Variants in KCTD3 observed in about 807,000 individuals in gnomAD.
KCTD3 encodes potassium channel tetramerization domain containing 3.
In KCTD3, 41 loss-of-function variants were observed where a neutral mutation model predicts 85.8. The observed-to-expected ratio is 0.48, with a 90% confidence interval of 0.37 to 0.62. The LOEUF (loss-of-function observed/expected upper bound fraction) is 0.62, where lower values mean the gene tolerates loss of function less well. KCTD3 is among the 20% of genes least tolerant of loss of function. The pLI, the probability that KCTD3 is intolerant of heterozygous loss-of-function variation, is 0.00. For synonymous variants in KCTD3, 338 were observed against 345.4 expected (o/e 0.98, Z 0.24); for missense variants, 724 against 989.9 (o/e 0.73, Z 3.60).
At chr1:215,577,824 G>A in intron 5 of KCTD3, 96 bp downstream of exon 5, 2 of 1,283,626 alleles carry the variant, frequency 1.6e-6, no homozygotes, top group Non-Finnish European at 2.3e-6. Context: ...AATTTTTGAT[G>A]GACTTGTTCA....
intron 8 of KCTD3, among the ~76,000 whole-genome samples, chr1:215,580,731 T>G (rs930774675): frequency 6.6e-6 from 1 of 152,192 alleles, no homozygotes; most frequent in African/African-American, 2.4e-5. Flanking sequence ...CAAAGATACA[T>G]AAACTATTTG....
intron 15 of KCTD3, among the ~76,000 whole-genome samples, chr1:215,613,014 AG>A (rs1655288617): frequency 6.6e-6 from 1 of 152,166 alleles, no homozygotes. Flanking sequence ...AGAGAGCATC[AG>A]GAAGAATAGC....
At chr1:215,568,087 T>G (rs544685017) in intron 1 of KCTD3, among the ~76,000 whole-genome samples, 7 of 152,138 alleles carry the variant, frequency 4.6e-5, no homozygotes, top group Non-Finnish European at 8.8e-5. Flanking sequence ...CTTCCTTACC[T>G]CATCTCAGAT....
intron 15 of KCTD3, among the ~76,000 whole-genome samples, chr1:215,613,295 T>A (rs1655300592): frequency 6.6e-6 from 1 of 152,230 alleles, no homozygotes; most frequent in Admixed American, 6.5e-5. Flanking sequence ...TGATCTCAGC[T>A]CACTGCAACC....
intron 2 of KCTD3, 113 bp downstream of exon 2, chr1:215,573,952 A>G: frequency 2.1e-6 from 2 of 967,034 alleles, no homozygotes; most frequent in Non-Finnish European, 1.5e-6. Flanking sequence ...AAAATTATAT[A>G]TTTTTGAACT....
At chr1:215,613,409 A>C (rs188859775) in intron 15 of KCTD3, among the ~76,000 whole-genome samples, 126 of 152,248 alleles carry the variant, frequency 8.3e-4, no homozygotes, top group African/African-American at 2.6e-3. Context: ...GACCTTTGTC[A>C]GATGCTTAGT....
intron 1 of KCTD3, among the ~76,000 whole-genome samples, chr1:215,569,125 CTTTTT>C (rs397964441): frequency 2.9e-5 from 4 of 139,070 alleles, no homozygotes; most frequent in African/African-American, 1.1e-4. Context: ...CTTTAATTTT[CTTTTT>C]TTTTTTTTTT....
intron 15 of KCTD3, 113 bp from the exon 16 acceptor site, chr1:215,618,773 G>C: frequency 1.3e-6 from 1 of 778,264 alleles, no homozygotes; most frequent in South Asian, 2.0e-5. Context: ...TTTTTTAAAA[G>C]TCTTTTCTAG....
chr1:215,571,805 G>A (rs1247979242), intron 1 of KCTD3, among the ~76,000 whole-genome samples: 1 of 151,964 alleles, frequency 6.6e-6, no homozygotes, highest in African/African-American at 2.4e-5. Flanking sequence ...CTAATTTTTC[G>A]TAGTTTTAGT....
rs189645306 is a variant in KCTD3, at chr1:215,615,314, G to A, written c.1562+3393G>A. Among the ~76,000 whole-genome samples, 74 of 152,198 alleles carry A rather than the reference G, an allele frequency of 4.9e-4. 1 individual carries two copies. In the East Asian group the frequency reaches 0.013, roughly 27 times the overall value. ...AACCTTGTAGAAAATTTTAAATAAA[G>A]GAGTAGTTTTAAGAAATCTATCCCG... is the stretch of plus-strand genomic sequence containing the variant. On this transcript the variant is annotated intron_variant, in intron 15 of 17. Transcript: ENST00000259154.
At chr1:215,579,190 TG>T (rs906853512) in intron 7 of KCTD3, 53 bp downstream of exon 7, 31 of 1,450,970 alleles carry the variant, frequency 2.1e-5, no homozygotes, top group Non-Finnish European at 2.9e-5. Flanking sequence ...TTTTTAGTGC[TG>T]GGTGATATTG....
chr1:215,609,753 A>T (rs1319637919), intron 14 of KCTD3, among the ~76,000 whole-genome samples: 1 of 151,984 alleles, frequency 6.6e-6, no homozygotes, highest in Admixed American at 6.6e-5. Flanking sequence ...AAATAAAGAA[A>T]TATAGGAAGA....
chr1:215,610,741 T>G (rs1475222127), intron 14 of KCTD3, among the ~76,000 whole-genome samples: 1 of 151,956 alleles, frequency 6.6e-6, no homozygotes, highest in Non-Finnish European at 1.5e-5. Flanking sequence ...TATGAGAACT[T>G]TGGTTAACTA....
rs573721046 is a variant in KCTD3 at position 215,594,218 on chromosome 1, G to A, written c.818-1138G>A. Among the ~76,000 whole-genome samples the A allele has an allele frequency of 2.4e-4, 36 of 152,172 alleles. No individual in the cohort carries two copies. The South Asian group carries it at 7.0e-3, about 30-fold the overall frequency. On this transcript the variant is annotated intron_variant, in intron 9 of 17. Transcript: ENST00000259154. The stretch of plus-strand genomic sequence containing the variant: ...AAACATTTAGCTTAGACCCTATTTC[G>A]TAGTTGAGATAAGAACCAAAAAAGT...
chr1:215,609,950 G>A (rs1655166022), intron 14 of KCTD3, among the ~76,000 whole-genome samples: 1 of 151,906 alleles, frequency 6.6e-6, no homozygotes, highest in South Asian at 2.1e-4. Context: ...GCACCTGAAA[G>A]CCCCAGGAGT....
In KCTD3 at chr1:215,573,837, C is replaced by T. The variant is rs377347322; in HGVS notation, c.135C>T (p.Ser45=). 1.3e-6 allele frequency: 2 copies of T among 1,540,322 alleles called. No homozygotes were observed. Among genetic ancestry groups the T allele is most frequent in the Non-Finnish European group, 1.8e-6 (2 of 1,120,218 alleles). The change falls in exon 2 of 18, where the codon TCC becomes TCT. Residue 45 remains serine, a splice_region_variant and synonymous_variant. Transcript: ENST00000259154. ...TLMWIPDSFF[S]SLLSGRISTL... ...TGTGGATTCCAGATTCTTTTTTTTC[C>T]AGGTATGTCTTATAATTCTTTAGTG...
At chr1:215,596,474 A>G (rs1054406374) in intron 10 of KCTD3, among the ~76,000 whole-genome samples, 1 of 152,186 alleles carries the variant, frequency 6.6e-6, no homozygotes, top group African/African-American at 2.4e-5. Context: ...ACAAAAGTCA[A>G]AATTAGAACT....
At chr1:215,615,832 G>A (rs749241788) in intron 15 of KCTD3, among the ~76,000 whole-genome samples, 1 of 152,100 alleles carries the variant, frequency 6.6e-6, no homozygotes, top group Non-Finnish European at 1.5e-5. Context: ...CCATTTTTAT[G>A]CTTAGGTTAG....
chr1:215,587,311 T>G (rs1660047484), intron 9 of KCTD3, among the ~76,000 whole-genome samples: 1 of 151,962 alleles, frequency 6.6e-6, no homozygotes, highest in Non-Finnish European at 1.5e-5. Flanking sequence ...TTTGTGTTTT[T>G]AATAGAGATG....
Sources: gnomAD v4.1 joint callset for allele counts (sites outside exome capture counted in the v4.1 genomes callset) on GRCh38, gnomAD v4.1.1 for gene constraint, MANE v1.5 for transcripts, NCBI Gene and HGNC (gene_info 2026-07-23, HGNC 2026-07-21) for gene names.